The following FAT4 variants were observed in gnomAD, a reference collection of about 807,000 sequenced individuals.
FAT4 encodes FAT atypical cadherin 4.
A neutral mutation model predicts 303.9 loss-of-function variants in FAT4; 84 were observed. That is an observed-to-expected ratio of 0.28 (90% CI 0.23 to 0.33). The LOEUF is 0.33. Ranked by LOEUF, FAT4 falls within the 10% of genes least tolerant of loss-of-function variation. The probability of loss-of-function intolerance (pLI) is 1.00; values close to 1 mark genes in which losing one functional copy is unlikely to be tolerated. For synonymous variants in FAT4, 2,307 were observed against 2,298.8 expected (o/e 1.00, Z -0.10); for missense variants, 6,005 against 6,146.8 (o/e 0.98, Z 0.77).
intron 2 of FAT4, among the ~76,000 whole-genome samples, chr4:125,380,067 A>G (rs1332775745): frequency 6.6e-6 from 1 of 151,812 alleles, no homozygotes; most frequent in Non-Finnish European, 1.5e-5. Flanking sequence ...CTAATTTTGT[A>G]TTTTTAGTAG....
At chr4:125,424,671 G>T (rs1368960422) in intron 7 of FAT4, among the ~76,000 whole-genome samples, 1 of 152,184 alleles carries the variant, frequency 6.6e-6, no homozygotes, top group Non-Finnish European at 1.5e-5. Context: ...AGGTGCTGAA[G>T]ATAGGCTGGT....
intron 5 of FAT4, among the ~76,000 whole-genome samples, chr4:125,411,852 G>A (rs202050124): frequency 4.3e-5 from 1 of 23,470 alleles, no homozygotes; most frequent in Non-Finnish European, 9.1e-5. Context: ...GTGTGTGTAT[G>A]TGTGTATATA....
chr4:125,452,107 C>T lies in FAT4; in HGVS notation c.11097C>T (p.Ile3699=), dbSNP rs1005338537. 6.2e-7 allele frequency: 1 copy of T among 1,614,066 alleles called. No individual in the cohort carries two copies. Among genetic ancestry groups the T allele is most frequent in the African/African-American group, 1.3e-5 (1 of 74,926 alleles). The change falls in exon 10 of 18, where the codon ATC becomes ATT. Residue 3699 remains isoleucine (I), a synonymous_variant. Coordinates refer to ENST00000394329, the MANE Select transcript of FAT4 (RefSeq NM_001291303.3). ...TTCACAGCACAGTCACGAGCAACAT[C>T]CGAGTTTTCTTTGCTGGATTTTCCA... is the stretch of plus-strand genomic sequence containing the variant. ...DGVHSTVTSN[I]RVFFAGFSNA...
In FAT4 at chr4:125,451,805, A is replaced by G. The variant is rs1560617353; in HGVS notation, c.10795A>G (p.Thr3599Ala). The change falls in exon 10 of 18, where the codon ACA becomes GCA. Residue 3599 changes from threonine to alanine, a missense_variant. Thr to Ala is a moderately conservative substitution (Grantham distance 58). Transcript: ENST00000394329. ...KDSGVPQMSSTGTVHITVIDQ... is the reference protein window; with the variant it reads ...KDSGVPQMSSAGTVHITVIDQ... ...TTCTGGTGTTCCTCAAATGTCTTCC[A>G]CAGGAACTGTGCATATCACAGTTAT... 1 of 1,614,172 alleles carries G rather than the reference A, an allele frequency of 6.2e-7. No homozygotes were observed. The highest frequency in any genetic ancestry group is 8.5e-7 in the Non-Finnish European group (1 of 1,180,018).
chr4:125,325,974 A>ACC (rs769387435), intron 2 of FAT4, among the ~76,000 whole-genome samples: 2 of 152,128 alleles, frequency 1.3e-5, no homozygotes, highest in South Asian at 2.1e-4. Context: ...AGGACTCCTT[A>ACC]AACAGGTCTC....
rs369929089 is a variant in FAT4 at position 125,490,359 on chromosome 4, G to A, written c.13543G>A (p.Ala4515Thr). The change falls in exon 18 of 18, where the codon GCA becomes ACA. Residue 4515 changes from alanine (A) to threonine (T), a missense_variant. Transcript: ENST00000394329. ...WAVPAIVGSC[A>T]TVLALLVLSL... ...TGTGCCTGCCATCGTGGGCAGCTGCGCAACCGTCTTGGCCCTCCTGGTCCT... is the reference window on the plus strand; with the variant it reads ...TGTGCCTGCCATCGTGGGCAGCTGCACAACCGTCTTGGCCCTCCTGGTCCT... 3.0e-5 allele frequency: 48 copies of A among 1,613,982 alleles called. No individual in the cohort carries two copies. The highest frequency in any genetic ancestry group is 1.4e-4 in the South Asian group (13 of 91,084).
In FAT4 at chr4:125,450,071, G is replaced by A; in HGVS notation, c.9061G>A (p.Val3021Met). 1 of 1,613,810 alleles carries A rather than the reference G, an allele frequency of 6.2e-7. No homozygotes were observed. The change falls in exon 10 of 18, where the codon GTG (valine) becomes ATG (methionine). Residue 3021 changes from valine to methionine, a missense_variant. Physicochemically the swap from Val to Met is conservative, Grantham distance 21 (BLOSUM62 1). Coordinates refer to ENST00000394329, the MANE Select transcript of FAT4 (RefSeq NM_001291303.3). Reference protein sequence around the residue: ...DDKDFGLNSEVEYFISNDNHL... With the variant: ...DDKDFGLNSEMEYFISNDNHL... ...CAAAGATTTTGGACTGAATTCAGAAGTGGAGTATTTCATTTCTAATGATAA... is the reference window on the plus strand; with the variant it reads ...CAAAGATTTTGGACTGAATTCAGAAATGGAGTATTTCATTTCTAATGATAA...
chr4:125,337,117 C>A (rs1257118182), intron 2 of FAT4, among the ~76,000 whole-genome samples: 1 of 151,830 alleles, frequency 6.6e-6, no homozygotes, highest in Non-Finnish European at 1.5e-5. Context: ...TAAATCACAG[C>A]CTGCTAATTT....
intron 7 of FAT4, among the ~76,000 whole-genome samples, chr4:125,418,507 T>C (rs924391542): frequency 4.6e-5 from 7 of 152,138 alleles, no homozygotes; most frequent in African/African-American, 1.4e-4. Context: ...AACCACAGTA[T>C]CATATGTATG....
chr4:125,315,193 G>T lies in FAT4; in HGVS notation c.-797G>T, dbSNP rs1053147596. Among the ~76,000 whole-genome samples, 1 of 151,852 alleles carries T rather than the reference G, an allele frequency of 6.6e-6. No homozygotes were observed. Among genetic ancestry groups the T allele is most frequent in the Non-Finnish European group, 1.5e-5 (1 of 67,954 alleles). On this transcript the variant is annotated 5_prime_UTR_variant, in exon 1 of 18. Transcript: ENST00000394329. ...CTAGCTCCACCGCAGTCCAACCTTC[G>T]GCCCCGGCCGGCGAGAGGGAGAGCG...
intron 7 of FAT4, among the ~76,000 whole-genome samples, chr4:125,423,859 T>G (rs1490392093): frequency 6.6e-6 from 1 of 152,342 alleles, no homozygotes; most frequent in South Asian, 2.1e-4. Flanking sequence ...TTTGGAGCTT[T>G]AAGCTTTAAC....
At chr4:125,366,014 C>A (rs1271777294) in intron 2 of FAT4, among the ~76,000 whole-genome samples, 4 of 152,022 alleles carry the variant, frequency 2.6e-5, no homozygotes, top group Non-Finnish European at 5.9e-5. Flanking sequence ...GAGCGTGAAC[C>A]CTATTGTGAA....
intron 2 of FAT4, among the ~76,000 whole-genome samples, chr4:125,368,524 A>ATG (rs1303636398): frequency 0.011 from 1,626 of 146,158 alleles, 10 homozygotes; most frequent in Non-Finnish European, 0.016. Flanking sequence ...ATATATATGT[A>ATG]TATATATATA....
intron 10 of FAT4, among the ~76,000 whole-genome samples, chr4:125,453,143 C>T (rs569107717): frequency 6.6e-6 from 1 of 152,002 alleles, no homozygotes; most frequent in East Asian, 1.9e-4. Context: ...AAATCCAGAA[C>T]TTAAGTGCTT....
Position 125,317,200 on chromosome 4 carries a change from G to A in FAT4, c.789G>A (p.Ala263=). 6.3e-7 allele frequency: 1 copy of A among 1,592,404 alleles called. No homozygotes were observed. Among genetic ancestry groups the A allele is most frequent in the African/African-American group, 1.3e-5 (1 of 74,696 alleles). Residue 263 remains alanine (A), a synonymous_variant, in exon 2 of 18, where the codon GCG becomes GCA. Transcript: ENST00000394329. This position sits in a 1 kb window ranked among gnomAD's most constrained non-coding sequence, Gnocchi z 7.0. ...ACCAGGCGGGGGTGCCTGAGGACGC[G>A]GTTGTGGGTTCCAGCGTCCTCCAGG... ...SHYQAGVPED[A]VVGSSVLQVA...
At chr4:125,468,442 A>C in intron 11 of FAT4, 70 bp from the exon 12 acceptor site, 1 of 1,117,250 alleles carries the variant, frequency 9.0e-7, no homozygotes, top group African/African-American at 1.6e-5. Flanking sequence ...ATTCAAAAAT[A>C]TTTTAATCAA....
At chr4:125,412,031 A>G (rs896615165) in intron 5 of FAT4, among the ~76,000 whole-genome samples, 3 of 151,742 alleles carry the variant, frequency 2.0e-5, no homozygotes, top group Non-Finnish European at 3.0e-5. Context: ...AAATTGCAAC[A>G]CTTATGGCTA....
At chr4:125,418,356 A>AAACC (rs1349762041) in intron 7 of FAT4, among the ~76,000 whole-genome samples, 2 of 152,142 alleles carry the variant, frequency 1.3e-5, no homozygotes, top group African/African-American at 4.8e-5. Context: ...TTAATCATGC[A>AAACC]AACCACTAAA....
Position 125,477,168 on chromosome 4 carries a change from C to A in FAT4, c.12313C>A (p.Gln4105Lys). The change falls in exon 14 of 18, where the codon CAG becomes AAG. Residue 4105 changes from glutamine (Q) to lysine (K), a missense_variant. By Grantham distance (53) the Gln-to-Lys change is moderately conservative (BLOSUM62 1). Transcript: ENST00000394329. ...TTATTTATTTAGGACTCTTGATGTT[C>A]AGCCAAATAGAGTTACAGTTGGAGG... ...AVSDDWTLDV[Q>K]PNRVTVGGIR... is the part of the protein sequence containing the mutation. 1 of 1,361,742 alleles carries A rather than the reference C, an allele frequency of 7.3e-7. No individual in the cohort carries two copies. Among genetic ancestry groups the A allele is most frequent in the Non-Finnish European group, 9.6e-7 (1 of 1,046,802 alleles). The allele number at this position is 1,361,742 out of a possible 1,614,324, so 84.4% of individuals were successfully genotyped here.
Sources: gnomAD v4.1 joint callset for allele counts (sites outside exome capture counted in the v4.1 genomes callset) on GRCh38, gnomAD v4.1.1 for gene constraint, Gnocchi (gnomAD v3.1) non-coding constraint, MANE v1.5 for transcripts, NCBI Gene and HGNC (gene_info 2026-07-23, HGNC 2026-07-21) for gene names.